RIMS2: variants seen among roughly 807,000 people sequenced by gnomAD.
RIMS2 encodes the protein regulating synaptic membrane exocytosis protein 2.
A neutral mutation model predicts 174.4 loss-of-function variants in RIMS2; 59 were observed. The ratio of observed to expected loss-of-function variants is 0.34; its 90% CI spans 0.27 to 0.42. The LOEUF is 0.42. Ranked by LOEUF, RIMS2 falls within the 10% of genes least tolerant of loss-of-function variation. RIMS2 has a pLI of 1.00. For missense variants in RIMS2, 1,620 were observed against 1,666.3 expected (o/e 0.97, Z 0.48); for synonymous variants, 606 against 572.5 (o/e 1.06, Z -0.84).
chr8:103,586,416 A>G (rs1282841486), intron 1 of RIMS2, among the ~76,000 whole-genome samples: 1 of 152,182 alleles, frequency 6.6e-6, no homozygotes, highest in Non-Finnish European at 1.5e-5. Flanking sequence ...CTACAGTGGA[A>G]TAAAACTAGA....
At chr8:104,242,529 AT>A (rs2099307061) in intron 19 of RIMS2, among the ~76,000 whole-genome samples, 1 of 152,182 alleles carries the variant, frequency 6.6e-6, no homozygotes, top group South Asian at 2.1e-4. Context: ...TCTTTGATAT[AT>A]TTTAATCCAG....
intron 1 of RIMS2, among the ~76,000 whole-genome samples, chr8:103,566,733 T>C (rs140661439): frequency 1.3e-5 from 2 of 152,300 alleles, no homozygotes; most frequent in Admixed American, 6.5e-5. Context: ...CTTTCCTATA[T>C]CCTTGTACTG....
chr8:103,635,990 C>T (rs992918050), intron 1 of RIMS2, among the ~76,000 whole-genome samples: 1 of 151,904 alleles, frequency 6.6e-6, no homozygotes, highest in Non-Finnish European at 1.5e-5. Flanking sequence ...CTTAAAGCAG[C>T]AGTCTGGCCT....
At chr8:103,708,178 G>T (rs1399887355) in intron 2 of RIMS2, among the ~76,000 whole-genome samples, 1 of 152,180 alleles carries the variant, frequency 6.6e-6, no homozygotes. Flanking sequence ...CTATGGCCTG[G>T]ATGCCACTGA....
At chr8:104,034,093 A>G (rs564081538) in intron 19 of RIMS2, among the ~76,000 whole-genome samples, 1 of 152,268 alleles carries the variant, frequency 6.6e-6, no homozygotes, top group East Asian at 1.9e-4. Flanking sequence ...CATCAGAAAA[A>G]CTGTATGGGA....
chr8:103,632,953 T>A (rs2095975181), intron 1 of RIMS2, among the ~76,000 whole-genome samples: 1 of 149,296 alleles, frequency 6.7e-6, no homozygotes, highest in African/African-American at 2.5e-5. Context: ...CAGGATGATC[T>A]CTATCTCCTG....
intron 7 of RIMS2, 126 bp downstream of exon 10, chr8:103,915,720 A>G (rs567998522): frequency 2.2e-6 from 1 of 457,010 alleles, no homozygotes; most frequent in African/African-American, 2.0e-5. Context: ...ATAAATCTCT[A>G]TTCATTAATG....
chr8:103,948,994 G>C (rs939846145), intron 14 of RIMS2, among the ~76,000 whole-genome samples: 2 of 151,326 alleles, frequency 1.3e-5, no homozygotes, highest in Non-Finnish European at 2.9e-5. Flanking sequence ...GGGTTCAGTG[G>C]CATGCACCTG....
At chr8:103,840,684 C>CTA (rs2098934283) in intron 3 of RIMS2, among the ~76,000 whole-genome samples, 1 of 151,776 alleles carries the variant, frequency 6.6e-6, no homozygotes, top group South Asian at 2.1e-4. Flanking sequence ...ATACGATATA[C>CTA]TATATATATC....
chr8:103,733,499 G>A (rs1002679764), intron 2 of RIMS2, among the ~76,000 whole-genome samples: 4 of 152,080 alleles, frequency 2.6e-5, no homozygotes, highest in African/African-American at 7.2e-5. Flanking sequence ...CCCAGAAATC[G>A]CAGTCTGGTG....
chr8:103,916,370 T>C, intron 7 of RIMS2, 44 bp from the exon 11 acceptor site: 3 of 1,466,876 alleles, frequency 2.0e-6, no homozygotes, highest in Non-Finnish European at 2.8e-6. Context: ...ATTTGTCAGA[T>C]CAAATTTTCT....
intron 3 of RIMS2, among the ~76,000 whole-genome samples, chr8:103,827,202 CGTAA>C (rs1226395574): frequency 7.2e-5 from 11 of 151,946 alleles, no homozygotes; most frequent in East Asian, 3.9e-4. Flanking sequence ...TGAAAATTTC[CGTAA>C]GTATTTTAAG....
intron 3 of RIMS2, among the ~76,000 whole-genome samples, chr8:103,840,783 C>T (rs928504450): frequency 1.3e-5 from 2 of 151,934 alleles, no homozygotes; most frequent in Admixed American, 6.6e-5. Flanking sequence ...GGGAATGAAA[C>T]GGTTCAAGAG....
At chr8:103,745,270 C>T (rs1002732046) in intron 2 of RIMS2, among the ~76,000 whole-genome samples, 8 of 152,248 alleles carry the variant, frequency 5.3e-5, no homozygotes, top group East Asian at 1.9e-4. Flanking sequence ...TATGCTTTTA[C>T]GGCTCATCTG....
chr8:103,500,982 C>T, exon 1 of RIMS2: 2 of 1,611,572 alleles, frequency 1.2e-6, no homozygotes, highest in South Asian at 2.2e-5. Flanking sequence ...TCAGCCACCT[C>T]ACGGAGGAGG....
chr8:103,578,309 C>A (rs2093384882), intron 1 of RIMS2, among the ~76,000 whole-genome samples: 1 of 152,100 alleles, frequency 6.6e-6, no homozygotes, highest in African/African-American at 2.4e-5. Context: ...GCAGGTGGAT[C>A]ATTTGAAGTC....
At chr8:104,251,756 T>C in exon 24 of RIMS2, 1 of 1,612,118 alleles carries the variant, frequency 6.2e-7, no homozygotes, top group Non-Finnish European at 8.5e-7. Flanking sequence ...TTGGCCCCTC[T>C]GACAAGAAGA....
chr8:103,852,061 A>G lies in RIMS2; in HGVS notation c.699-33237A>G, dbSNP rs1208293196. On this transcript the variant is annotated intron_variant, in intron 3 of 23. Transcript: ENST00000504942. ...TCCCTTACTCCAAGACGGGATAGACACTAATGACTTTTCCCCGAAAACATT... is the reference window on the plus strand; with the variant it reads ...TCCCTTACTCCAAGACGGGATAGACGCTAATGACTTTTCCCCGAAAACATT... 4.6e-5 allele frequency among the ~76,000 whole-genome samples: 7 copies of G among 152,106 alleles called. No individual in the cohort carries two copies. The East Asian group carries it at 1.4e-3, about 29-fold the overall frequency.
chr8:104,202,791 G>C (rs1278291943), intron 19 of RIMS2, among the ~76,000 whole-genome samples: 1 of 152,182 alleles, frequency 6.6e-6, no homozygotes, highest in Non-Finnish European at 1.5e-5. Flanking sequence ...TGAAGTACTA[G>C]GGGTTAGGAC....
Sources: gnomAD v4.1 joint callset for allele counts (sites outside exome capture counted in the v4.1 genomes callset) on GRCh38, gnomAD v4.1.1 for gene constraint, MANE v1.5 for transcripts, NCBI Gene and HGNC (gene_info 2026-07-23, HGNC 2026-07-21) for gene names.